Variants in COG6 observed in about 807,000 individuals in gnomAD.
The protein encoded by COG6 is component of oligomeric golgi complex 6.
In COG6, 74 loss-of-function variants were observed where a neutral mutation model predicts 88.8. The ratio of observed to expected loss-of-function variants is 0.83; its 90% CI spans 0.69 to 1.01. The LOEUF (loss-of-function observed/expected upper bound fraction) is 1.01. Ranked by LOEUF, COG6 falls within the 50% of genes least tolerant of loss-of-function variation. COG6 has a pLI of 0.00. For synonymous variants in COG6, 286 were observed against 278.7 expected, an observed-to-expected ratio of 1.03 and a Z score of -0.26; for missense variants, 800 against 797.9, an observed-to-expected ratio of 1.00 and a Z score of -0.03.
chr13:39,774,586 T>C (rs575827441), intron 18 of COG6, among the ~76,000 whole-genome samples: 2 of 152,130 alleles, frequency 1.3e-5, no homozygotes, highest in East Asian at 1.9e-4. Flanking sequence ...TTTTTCTTTT[T>C]TTTTTTGAGA....
At chr13:39,716,707 T>G (rs974456803) in intron 13 of COG6, among the ~76,000 whole-genome samples, 2 of 152,196 alleles carry the variant, frequency 1.3e-5, no homozygotes, top group Non-Finnish European at 2.9e-5. Context: ...GGAATTACAA[T>G]TAGCATCTTA....
chr13:39,786,389 G>A (rs1881773451), intron 18 of COG6, among the ~76,000 whole-genome samples: 1 of 152,150 alleles, frequency 6.6e-6, no homozygotes. Context: ...GGAGAATAGT[G>A]GATGCCCGGA....
chr13:39,769,648 AGTACT>A (rs1356868102), intron 18 of COG6, among the ~76,000 whole-genome samples: 1 of 152,216 alleles, frequency 6.6e-6, no homozygotes, highest in East Asian at 1.9e-4. Flanking sequence ...AGTCGAATAC[AGTACT>A]GCTATAGTCT....
intron 13 of COG6, among the ~76,000 whole-genome samples, chr13:39,712,968 AAG>A (rs1257311398): frequency 1.3e-5 from 2 of 152,210 alleles, no homozygotes; most frequent in Admixed American, 1.3e-4. Context: ...CAGAATAAGA[AAG>A]AGGGAAATCT....
intron 4 of COG6, among the ~76,000 whole-genome samples, chr13:39,671,084 G>T (rs1875603457): frequency 1.3e-5 from 2 of 151,856 alleles, no homozygotes; most frequent in African/African-American, 4.8e-5. Context: ...AGGAAATATT[G>T]CCAGTGACAT....
intron 18 of COG6, among the ~76,000 whole-genome samples, chr13:39,746,093 A>G (rs1880335550): frequency 6.6e-6 from 1 of 151,350 alleles, no homozygotes. Flanking sequence ...TGGGGTGGGG[A>G]GTAGGGGAGG....
intron 5 of COG6, among the ~76,000 whole-genome samples, chr13:39,678,863 T>C (rs1876131558): frequency 6.6e-6 from 1 of 152,160 alleles, no homozygotes; most frequent in Non-Finnish European, 1.5e-5. Context: ...ACTTTGCACA[T>C]ATGAAATATT....
chr13:39,729,698 T>A (rs1879332202), intron 18 of COG6, among the ~76,000 whole-genome samples: 1 of 152,140 alleles, frequency 6.6e-6, no homozygotes. Context: ...CTGCTGACAA[T>A]AAAACATTTA....
intron 18 of COG6, among the ~76,000 whole-genome samples, chr13:39,768,310 C>G (rs886909056): frequency 6.6e-6 from 1 of 152,200 alleles, no homozygotes; most frequent in Non-Finnish European, 1.5e-5. Flanking sequence ...CAGCTGAACC[C>G]GGAACACTGC....
In COG6 at chr13:39,662,982, AC is replaced by A. The variant is rs1593406137; in HGVS notation, c.369+2102del. ...ATTTAATATTTTCTGAAATGCTTTG[AC>A]TATGGTACCTTTTAGAAATTATTAG... On this transcript the variant is annotated intron_variant, in intron 3 of 18. Transcript: ENST00000455146. Among the ~76,000 whole-genome samples the A allele has an allele frequency of 2.0e-5, 3 of 151,894 alleles. No homozygotes were observed. In the East Asian group the frequency reaches 5.8e-4, roughly 29 times the overall value.
At chr13:39,761,136 T>A (rs953901811) in intron 18 of COG6, among the ~76,000 whole-genome samples, 1 of 152,056 alleles carries the variant, frequency 6.6e-6, no homozygotes, top group African/African-American at 2.4e-5. Context: ...TTAATCCAAA[T>A]CACAGCATGT....
At chr13:39,698,304 C>T (rs562649386) in intron 12 of COG6, among the ~76,000 whole-genome samples, 1 of 151,998 alleles carries the variant, frequency 6.6e-6, no homozygotes, top group South Asian at 2.1e-4. Flanking sequence ...CAGAGAAATA[C>T]TTGTTTTCAT....
chr13:39,752,174 C>T lies in COG6; in HGVS notation c.*1081C>T, dbSNP rs1880676334. The stretch of plus-strand genomic sequence containing the variant: ...AAAAAAAACTTAATTTCTAGTAAAT[C>T]TATAAAAATGGGTAAGTCCCTAAAT... On this transcript the variant is annotated 3_prime_UTR_variant, in exon 19 of 19. Transcript: ENST00000455146. 4.3e-6 allele frequency: 5 copies of T among 1,166,548 alleles called. No individual in the cohort carries two copies. Among genetic ancestry groups the T allele is most frequent in the Non-Finnish European group, 5.5e-6 (5 of 908,372 alleles). 72.3% of individuals were successfully genotyped at this position (1,166,548 alleles called of 1,614,324 possible). A position where few individuals can be genotyped will look rare whatever the true frequency, so the allele number is the denominator to read the frequency against.
At chr13:39,706,275 A>ATATATATATT (rs71080328) in intron 13 of COG6, among the ~76,000 whole-genome samples, 2 of 141,794 alleles carry the variant, frequency 1.4e-5, no homozygotes, top group African/African-American at 5.2e-5. Context: ...ATATATATAT[A>ATATATATATT]TATTTAAATA....
intron 18 of COG6, among the ~76,000 whole-genome samples, chr13:39,737,635 A>G (rs1210007415): frequency 6.6e-6 from 1 of 151,462 alleles, no homozygotes; most frequent in Admixed American, 6.6e-5. Flanking sequence ...GAGTGATGCA[A>G]GTACTCCCGT....
At chr13:39,776,516 C>T (rs1184614868) in intron 18 of COG6, among the ~76,000 whole-genome samples, 4 of 152,068 alleles carry the variant, frequency 2.6e-5, no homozygotes, top group African/African-American at 7.2e-5. Flanking sequence ...TGCCTGGTAA[C>T]GTTAACTAAG....
downstream of COG6, among the ~76,000 whole-genome samples, chr13:39,753,604 C>T (rs1880737287): frequency 6.6e-6 from 1 of 151,814 alleles, no homozygotes; most frequent in African/African-American, 2.4e-5. Flanking sequence ...TCACACCCAT[C>T]TCCTCTCCTT....
At chr13:39,671,744 A>T (rs1333548963) in intron 4 of COG6, among the ~76,000 whole-genome samples, 1 of 151,996 alleles carries the variant, frequency 6.6e-6, no homozygotes, top group Non-Finnish European at 1.5e-5. Context: ...TTACTTTAAA[A>T]AATACTTCAG....
chr13:39,776,133 A>G (rs1272590013), intron 18 of COG6, among the ~76,000 whole-genome samples: 1 of 152,204 alleles, frequency 6.6e-6, no homozygotes, highest in Non-Finnish European at 1.5e-5. Context: ...TATATTTTAA[A>G]AGATAAAGAA....
Sources: allele counts gnomAD v4.1 joint callset (sites outside exome capture counted in the v4.1 genomes callset), GRCh38; gene constraint gnomAD v4.1.1; transcripts MANE v1.5; gene names NCBI Gene and HGNC (gene_info 2026-07-23, HGNC 2026-07-21).